SAP18: variants seen among roughly 807,000 people sequenced by gnomAD.
The protein encoded by SAP18 is histone deacetylase complex subunit SAP18.
In SAP18, 4 loss-of-function variants were observed where a neutral mutation model predicts 18.6. That is an observed-to-expected ratio of 0.21 (90% CI 0.11 to 0.49). SAP18 has a LOEUF of 0.49. Among genes scored for constraint, SAP18 ranks in the 20% least tolerant of loss-of-function variants. The pLI is 0.98. For missense variants in SAP18, 170 were observed against 226.4 expected (o/e 0.75, Z 1.60); for synonymous variants, 112 against 82.8 (o/e 1.35, Z -1.92).
At chr13:21,145,766 G>A (rs983110960) in intron 2 of SAP18, among the ~76,000 whole-genome samples, 14 of 152,124 alleles carry the variant, frequency 9.2e-5, no homozygotes, top group African/African-American at 3.1e-4. Flanking sequence ...TGATCCACCC[G>A]CCTTGGCCTC....
intron 2 of SAP18, among the ~76,000 whole-genome samples, chr13:21,142,628 T>C (rs1421903087): frequency 6.6e-6 from 1 of 152,110 alleles, no homozygotes; most frequent in East Asian, 1.9e-4. Flanking sequence ...CACCTGGTCA[T>C]TAACCATTTC....
chr13:21,145,187 C>CTCCTGA (rs1869608377), intron 2 of SAP18, among the ~76,000 whole-genome samples: 1 of 151,674 alleles, frequency 6.6e-6, no homozygotes, highest in African/African-American at 2.4e-5. Flanking sequence ...CTGCCTCAGC[C>CTCCTGA]TCCTGAGTAG....
chr13:21,144,230 C>T (rs1032323901), intron 2 of SAP18, among the ~76,000 whole-genome samples: 9 of 151,948 alleles, frequency 5.9e-5, no homozygotes, highest in Non-Finnish European at 8.8e-5. Flanking sequence ...CATGGTGAAA[C>T]CCCGTCTCTG....
intron 2 of SAP18, among the ~76,000 whole-genome samples, chr13:21,142,114 C>T (rs1385279889): frequency 6.7e-6 from 1 of 149,792 alleles, no homozygotes; most frequent in African/African-American, 2.4e-5. Flanking sequence ...TGATGAAACC[C>T]TGTCTCTACT....
intron 2 of SAP18, chr13:21,141,548 T>G (rs1869463513): frequency 6.2e-6 from 1 of 160,824 alleles, no homozygotes; most frequent in South Asian, 1.6e-4. Context: ...CTCTTGGGTG[T>G]ACCTCCCTAC....
intron 2 of SAP18, among the ~76,000 whole-genome samples, chr13:21,143,438 A>G (rs1869538279): frequency 6.6e-6 from 1 of 152,194 alleles, no homozygotes; most frequent in African/African-American, 2.4e-5. Flanking sequence ...TAGTAGTATG[A>G]TACCTGTACT....
chr13:21,141,463 G>A (rs7984429), intron 2 of SAP18: 18,670 of 171,614 alleles, frequency 0.11, 1,196 homozygotes, highest in Middle Eastern at 0.2. Flanking sequence ...ACCAAAACCC[G>A]AGTTATTTCT....
At chr13:21,147,395 C>G in exon 4 of SAP18, 1 of 1,470,154 alleles carries the variant, frequency 6.8e-7, no homozygotes. Flanking sequence ...GTAAAATAAA[C>G]ATACTCTTCT....
intron 2 of SAP18, among the ~76,000 whole-genome samples, chr13:21,144,724 C>G (rs1414003733): frequency 1.3e-5 from 2 of 152,174 alleles, no homozygotes; most frequent in African/African-American, 2.4e-5. Flanking sequence ...CCCACCCTGT[C>G]CTCAAGCTTC....
chr13:21,144,689 C>T (rs1249348640), intron 2 of SAP18, among the ~76,000 whole-genome samples: 6 of 152,126 alleles, frequency 3.9e-5, no homozygotes, highest in African/African-American at 2.4e-5. Flanking sequence ...ACTGTAGCTT[C>T]GTCAAGCTGA....
intron 2 of SAP18, 100 bp downstream of exon 2, chr13:21,141,095 C>A (rs1402303104): frequency 3.8e-6 from 3 of 791,728 alleles, no homozygotes; most frequent in Admixed American, 2.1e-5. Context: ...ATTTCAATTT[C>A]ATTTCTCCAC....
At chr13:21,141,917 T>G (rs1280496970) in intron 2 of SAP18, among the ~76,000 whole-genome samples, 1 of 151,258 alleles carries the variant, frequency 6.6e-6, no homozygotes, top group East Asian at 2.0e-4. Flanking sequence ...TCTGCCTGCC[T>G]CAGCCTCCCA....
At chr13:21,140,855 C>G (rs369212638) in intron 1 of SAP18, 31 bp from the exon 2 acceptor site, 1 of 1,597,374 alleles carries the variant, frequency 6.3e-7, no homozygotes, top group Admixed American at 1.7e-5. Context: ...GTGTTTTTAA[C>G]TTCTGCCCTT....
Position 21,142,202 on chromosome 13 carries a change from G to A in SAP18, c.239+1207G>A, listed in dbSNP as rs555864263. Among the ~76,000 whole-genome samples, 11 of 150,322 alleles carry A rather than the reference G, an allele frequency of 7.3e-5. No individual in the cohort carries two copies. The East Asian group carries it at 1.9e-3, about 26-fold the overall frequency. ...ATTGGGAGACTGAGGCAGGAGGATC[G>A]CTTGAACCTGGGAAGTGGAAGTTGC... On this transcript the variant is annotated intron_variant, in intron 2 of 3. Coordinates refer to ENST00000621421, the Ensembl canonical transcript of SAP18.
intron 2 of SAP18, among the ~76,000 whole-genome samples, chr13:21,142,201 C>T (rs1326033476): frequency 6.7e-6 from 1 of 150,080 alleles, no homozygotes; most frequent in Admixed American, 6.6e-5. Context: ...GCAGGAGGAT[C>T]GCTTGAACCT....
intron 2 of SAP18, among the ~76,000 whole-genome samples, chr13:21,143,506 C>T (rs1454345713): frequency 6.6e-6 from 1 of 152,154 alleles, no homozygotes; most frequent in African/African-American, 2.4e-5. Context: ...TATGGAAGAA[C>T]TGTTGAATAA....
intron 2 of SAP18, among the ~76,000 whole-genome samples, chr13:21,146,207 C>T (rs947614002): frequency 2.6e-5 from 4 of 152,042 alleles, no homozygotes; most frequent in Non-Finnish European, 5.9e-5. Flanking sequence ...ATTACCTGGG[C>T]GTGGTGGTGG....
In SAP18 at chr13:21,140,558, C is replaced by A. The variant is rs778665161; in HGVS notation, c.6C>A (p.Leu2=). The change falls in exon 1 of 4, where the codon CTC becomes CTA. Residue 2 remains leucine (L), a synonymous_variant. Transcript: ENST00000621421. Reference sequence around the variant, plus strand: ...TCGCGAGAGACTTAGTGCTCATGCTCGCTGCAGGGGTCGGAGGTCAGGGCG... The same window carrying A: ...TCGCGAGAGACTTAGTGCTCATGCTAGCTGCAGGGGTCGGAGGTCAGGGCG... 363 of 1,592,248 alleles carry A rather than the reference C, an allele frequency of 2.3e-4. 2 individuals are homozygous for A. Among genetic ancestry groups the A allele is most frequent in the Non-Finnish European group, 2.4e-4 (286 of 1,170,068 alleles).
intron 2 of SAP18, 189 bp from the exon 3 acceptor site, chr13:21,146,616 G>T (rs956351090): frequency 2.6e-5 from 11 of 418,730 alleles, no homozygotes; most frequent in Non-Finnish European, 4.7e-5. Context: ...CAGTAAGGCT[G>T]GTACATGGAG....
Sources: allele counts gnomAD v4.1 joint callset (sites outside exome capture counted in the v4.1 genomes callset), GRCh38; gene constraint gnomAD v4.1.1; transcripts MANE v1.5; gene names NCBI Gene and HGNC (gene_info 2026-07-23, HGNC 2026-07-21).